Variants in PTRHD1 observed in about 807,000 individuals in gnomAD.
The protein encoded by PTRHD1 is peptidyl-tRNA hydrolase domain containing 1.
A neutral mutation model predicts 13.6 loss-of-function variants in PTRHD1; 12 were observed. The ratio of observed to expected loss-of-function variants is 0.88; its 90% confidence interval spans 0.57 to 1.43. The LOEUF (loss-of-function observed/expected upper bound fraction) is 1.43. PTRHD1 is among the 40% of genes most tolerant of loss of function. The probability of loss-of-function intolerance (pLI) is 0.00; values close to 1 mark genes in which losing one functional copy is unlikely to be tolerated. For missense variants in PTRHD1, 203 were observed against 184.7 expected, an observed-to-expected ratio of 1.10 and a Z score of -0.57; for synonymous variants, 86 against 79.5, an observed-to-expected ratio of 1.08 and a Z score of -0.43.
At chr2:24,792,882 G>A (rs2148721054) in intron 1 of PTRHD1, 1 of 589,916 alleles carries the variant, frequency 1.7e-6, no homozygotes, top group Non-Finnish European at 3.0e-6. Context: ...AGGCGGAACA[G>A]CGGGGACACA....
chr2:24,791,703 G>C (rs1399148612), intron 1 of PTRHD1: 1 of 152,190 alleles, frequency 6.6e-6, no homozygotes, highest in Non-Finnish European at 1.5e-5. Context: ...CCAAACTCTT[G>C]CTGACTGTGT....
chr2:24,790,280 CT>C lies in PTRHD1; in HGVS notation c.*130del, dbSNP rs1665593045. 4.7e-6 allele frequency: 5 copies of C among 1,062,400 alleles called. No homozygotes were observed. The South Asian group carries it at 8.1e-5, about 17-fold the overall frequency. The allele number at this position is 1,062,400 out of a possible 1,614,324, so 65.8% of individuals were successfully genotyped here. On this transcript the variant is annotated 3_prime_UTR_variant, in exon 2 of 2. Coordinates refer to ENST00000328379, the MANE Select transcript of PTRHD1 (RefSeq NM_001013663.2). ...AAGAGGAAGTAGTTATTAATGACAA[CT>C]TTAATATGAACATGTGCTTAACCCT... is the stretch of plus-strand genomic sequence containing the variant.
chr2:24,793,186 G>T lies in PTRHD1; in HGVS notation c.192C>A (p.Asp64Glu). The change falls in exon 1 of 2, where the codon GAC becomes GAA. Residue 64 changes from aspartate to glutamate, a missense_variant. Physicochemically the swap from Asp to Glu is conservative, Grantham distance 45. Transcript: ENST00000328379. ...GGAGGTAAGCGGCTGTGTGCGGGTG[G>T]TCGCGGTGAGTGTGCAAGGCCGCGG... is the stretch of plus-strand genomic sequence containing the variant. Reference protein sequence around the residue: ...AATAALHTHRDHPHTAAYLQE... With the variant: ...AATAALHTHREHPHTAAYLQE... 6.2e-7 allele frequency: 1 copy of T among 1,612,916 alleles called. No homozygotes were observed. Among genetic ancestry groups the T allele is most frequent in the Non-Finnish European group, 8.5e-7 (1 of 1,179,686 alleles).
chr2:24,793,085 CTCGATG>C, intron 1 of PTRHD1, 35 bp downstream of exon 1: 1 of 1,590,800 alleles, frequency 6.3e-7, no homozygotes, highest in Non-Finnish European at 8.5e-7. Context: ...CACTTCCGCC[CTCGATG>C]TCTCAGCACC....
chr2:24,790,345 C>T lies in PTRHD1; in HGVS notation c.*66G>A. The T allele has an allele frequency of 6.5e-7, 1 of 1,536,958 alleles. No individual in the cohort carries two copies. The highest frequency in any genetic ancestry group is 8.8e-7 in the Non-Finnish European group (1 of 1,134,020). Reference sequence around the variant, plus strand: ...CAACTGAAAGACGGGAGCAAGCTGACACTGCAAGGAACACATGATGCTTTG... The same window carrying T: ...CAACTGAAAGACGGGAGCAAGCTGATACTGCAAGGAACACATGATGCTTTG... On this transcript the variant is annotated 3_prime_UTR_variant, in exon 2 of 2. Transcript: ENST00000328379.
In PTRHD1 at chr2:24,793,199, T is replaced by TGCAAGGCCGCGGTGGCCGC; in HGVS notation, c.160_178dup (p.His60ArgfsTer35). On this transcript the variant is annotated frameshift_variant, in exon 1 of 2. Coordinates refer to ENST00000328379, the MANE Select transcript of PTRHD1 (RefSeq NM_001013663.2). LOFTEE classifies it high-confidence loss of function. ...TGTGTGCGGGTGGTCGCGGTGAGTG[T>TGCAAGGCCGCGGTGGCCGC]GCAAGGCCGCGGTGGCCGCGTGACA... 1 of 1,612,962 alleles carries TGCAAGGCCGCGGTGGCCGC rather than the reference T, an allele frequency of 6.2e-7. No homozygotes were observed. The highest frequency in any genetic ancestry group is 1.1e-5 in the South Asian group (1 of 91,078).
intron 1 of PTRHD1, 21 bp downstream of exon 1, chr2:24,793,105 C>T (rs746124302): frequency 5.6e-6 from 9 of 1,605,314 alleles, no homozygotes; most frequent in Non-Finnish European, 6.8e-6. Flanking sequence ...CAGCACCTCC[C>T]CCTCCGCCCG....
Position 24,790,921 on chromosome 2 carries a change from GT to G in PTRHD1, c.253-341del, listed in dbSNP as rs781153263. On this transcript the variant is annotated intron_variant, in intron 1 of 1. Transcript: ENST00000328379. ...TGACTTTAAGAGCTGCCTAGTGGAAGTTTTTTTTTTTTTTTCTTTTGAGACA... is the reference window on the plus strand; with the variant it reads ...TGACTTTAAGAGCTGCCTAGTGGAAGTTTTTTTTTTTTTTCTTTTGAGACA... Among the ~76,000 whole-genome samples the G allele has an allele frequency of 3.5e-3, 497 of 142,830 alleles. 4 individuals are homozygous for G. The highest frequency in any genetic ancestry group is 0.024 in the East Asian group (117 of 4,778). The allele number at this position is 142,830 out of a possible 152,430, so 93.7% of individuals were successfully genotyped here.
At chr2:24,792,971 G>A in intron 1 of PTRHD1, 155 bp downstream of exon 1, 1 of 904,336 alleles carries the variant, frequency 1.1e-6, no homozygotes, top group South Asian at 1.7e-5. Context: ...CCCTTCCCAA[G>A]GGCGCACCTC....
rs1193668600 is a variant in PTRHD1, at chr2:24,790,420, CA to C, written c.413del (p.Leu138CysfsTer35). The C allele has an allele frequency of 6.2e-7, 1 of 1,613,730 alleles. No homozygotes were observed. The highest frequency in any genetic ancestry group is 1.7e-5 in the Admixed American group (1 of 59,980). On this transcript the variant is annotated frameshift_variant, in exon 2 of 2. Coordinates refer to ENST00000328379, the MANE Select transcript of PTRHD1 (RefSeq NM_001013663.2). LOFTEE classifies it high-confidence loss of function. ...CACATCAAAGCAGCAGTTACTTGAACAATCGGAACTTCTTCAAATACTGGCC... is the reference window on the plus strand; with the variant it reads ...CACATCAAAGCAGCAGTTACTTGAACATCGGAACTTCTTCAAATACTGGCC... ...EVGQYLKKFR[L>X]FK
chr2:24,792,899 AC>A, intron 1 of PTRHD1: 2 of 604,100 alleles, frequency 3.3e-6, no homozygotes, highest in Non-Finnish European at 5.8e-6. Flanking sequence ...CACAGGAGCC[AC>A]CACTTTACCG....
At chr2:24,792,958 A>T in intron 1 of PTRHD1, 168 bp downstream of exon 1, 2 of 784,040 alleles carry the variant, frequency 2.6e-6, no homozygotes. Context: ...TCACACAGTC[A>T]GGCCCTTCCC....
rs749066527 is a variant in PTRHD1, at chr2:24,793,391, C to A, written c.-14G>T. The A allele has an allele frequency of 4.3e-6, 7 of 1,610,536 alleles. No individual in the cohort carries two copies. In the African/African-American group the frequency reaches 5.3e-5, roughly 12 times the overall value. On this transcript the variant is annotated 5_prime_UTR_variant, in exon 1 of 2. Coordinates refer to ENST00000328379, the MANE Select transcript of PTRHD1 (RefSeq NM_001013663.2). ...TCCCCGGTGCATCTTGGGATCAGGG[C>A]GGGGCCCTGAGCGCCGCCATGCTTT...
chr2:24,793,093 C>A, intron 1 of PTRHD1, 33 bp downstream of exon 1: 1 of 1,599,252 alleles, frequency 6.3e-7, no homozygotes, highest in South Asian at 1.1e-5. Flanking sequence ...CCCTCGATGT[C>A]TCAGCACCTC....
Position 24,790,365 on chromosome 2 carries a change from G to A in PTRHD1, c.*46C>T, listed in dbSNP as rs184271551. ...GCTGACACTGCAAGGAACACATGAT[G>A]CTTTGGAATGGGTGGCCTGCGTATT... On this transcript the variant is annotated 3_prime_UTR_variant, in exon 2 of 2. Transcript: ENST00000328379. 5.0e-6 allele frequency: 8 copies of A among 1,586,260 alleles called. No individual in the cohort carries two copies. The East Asian group carries it at 1.6e-4, about 31-fold the overall frequency.
At chr2:24,792,971 G>T in intron 1 of PTRHD1, 155 bp downstream of exon 1, 1 of 904,336 alleles carries the variant, frequency 1.1e-6, no homozygotes, top group Non-Finnish European at 1.6e-6. Flanking sequence ...CCCTTCCCAA[G>T]GGCGCACCTC....
At position 24,793,385 on chromosome 2, in the gene PTRHD1, T is replaced by C. The variant is rs780579972; in HGVS notation, c.-8A>G. The C allele has an allele frequency of 6.8e-6, 11 of 1,612,808 alleles. No individual in the cohort carries two copies. The highest frequency in any genetic ancestry group is 9.3e-6 in the Non-Finnish European group (11 of 1,179,616). ...ACCTACTCCCCGGTGCATCTTGGGA[T>C]CAGGGCGGGGCCCTGAGCGCCGCCA... On this transcript the variant is annotated 5_prime_UTR_variant, in exon 1 of 2. Coordinates refer to ENST00000328379, the MANE Select transcript of PTRHD1 (RefSeq NM_001013663.2).
chr2:24,789,776 A>ACAT lies in PTRHD1; in HGVS notation c.*632_*634dup, dbSNP rs896953550. 6.6e-6 allele frequency: 1 copy of ACAT among 152,340 alleles called. No individual in the cohort carries two copies. The highest frequency in any genetic ancestry group is 2.4e-5 in the African/African-American group (1 of 41,468). The allele number at this position is 152,340 out of a possible 1,614,324, so 9.4% of individuals were successfully genotyped here. ...GAATCTAATAAATCTGTATGTATGT[A>ACAT]CATATATATAGACACACACAAATTT... On this transcript the variant is annotated 3_prime_UTR_variant, in exon 2 of 2. Transcript: ENST00000328379.
intron 1 of PTRHD1, chr2:24,792,311 T>C (rs1032674163): frequency 6.6e-5 from 10 of 152,266 alleles, no homozygotes; most frequent in African/African-American, 2.4e-4. Flanking sequence ...TTTTTCCTTA[T>C]TATAAAATAT....
Sources: gnomAD v4.1 joint callset for allele counts (sites outside exome capture counted in the v4.1 genomes callset) on GRCh38, gnomAD v4.1.1 for gene constraint, MANE v1.5 for transcripts, NCBI Gene and HGNC (gene_info 2026-07-23, HGNC 2026-07-21) for gene names.